The following PLXNA4 variants were observed in gnomAD, a reference collection of about 807,000 sequenced individuals.
PLXNA4 encodes plexin-A4.
In PLXNA4, 44 loss-of-function variants were observed where a neutral mutation model predicts 191.8. The ratio of observed to expected loss-of-function variants is 0.23; its 90% CI spans 0.18 to 0.29. The LOEUF (loss-of-function observed/expected upper bound fraction) is 0.29. PLXNA4 is among the 10% of genes least tolerant of loss of function. The probability of loss-of-function intolerance (pLI) is 1.00; values close to 1 mark genes in which losing one functional copy is unlikely to be tolerated. For missense variants in PLXNA4, 1,800 were observed against 2,488.8 expected (o/e 0.72, Z 5.89); for synonymous variants, 1,082 against 1,009.5 (o/e 1.07, Z -1.36).
intron 2 of PLXNA4, among the ~76,000 whole-genome samples, chr7:132,499,136 C>T (rs1472315570): frequency 6.6e-6 from 1 of 152,252 alleles, no homozygotes; most frequent in Non-Finnish European, 1.5e-5. Flanking sequence ...GCAGTGCACC[C>T]CTTCTAGGGG....
chr7:132,190,867 G>T (rs530640870), intron 14 of PLXNA4, among the ~76,000 whole-genome samples: 85 of 152,316 alleles, frequency 5.6e-4, no homozygotes, highest in African/African-American at 1.9e-3. Flanking sequence ...CGAGGAGCAG[G>T]GCACAAAGAG....
chr7:132,332,002 T>C (rs1802607250), intron 3 of PLXNA4, among the ~76,000 whole-genome samples: 1 of 152,194 alleles, frequency 6.6e-6, no homozygotes. Flanking sequence ...ATGGACAATG[T>C]GTATATCATC....
intron 3 of PLXNA4, among the ~76,000 whole-genome samples, chr7:132,336,847 T>C (rs1252541195): frequency 1.3e-5 from 2 of 152,228 alleles, no homozygotes; most frequent in African/African-American, 4.8e-5. Flanking sequence ...ACACACTCCA[T>C]GAGGGTAGCA....
chr7:132,205,647 C>T (rs948765932), intron 10 of PLXNA4, among the ~76,000 whole-genome samples: 1 of 152,184 alleles, frequency 6.6e-6, no homozygotes, highest in Non-Finnish European at 1.5e-5. Flanking sequence ...AGGCTTCAAG[C>T]TGCTGCCTGG....
At chr7:132,363,253 G>C (rs1482668598) in intron 3 of PLXNA4, among the ~76,000 whole-genome samples, 1 of 152,150 alleles carries the variant, frequency 6.6e-6, no homozygotes, top group Non-Finnish European at 1.5e-5. Context: ...CCAAAGTGTT[G>C]TGATTACAGG....
intron 2 of PLXNA4, among the ~76,000 whole-genome samples, chr7:132,586,558 C>G (rs1211513579): frequency 2.0e-5 from 3 of 152,190 alleles, no homozygotes; most frequent in African/African-American, 7.2e-5. Context: ...CAAGACCAGC[C>G]TGGGCAACAT....
chr7:132,422,826 C>A (rs975013559), intron 3 of PLXNA4, among the ~76,000 whole-genome samples: 1 of 152,210 alleles, frequency 6.6e-6, no homozygotes, highest in Admixed American at 6.5e-5. Context: ...CCCCACTGGG[C>A]AGAGGATCAT....
intron 2 of PLXNA4, among the ~76,000 whole-genome samples, chr7:132,492,948 T>G (rs559257668): frequency 6.6e-6 from 1 of 152,298 alleles, no homozygotes; most frequent in East Asian, 1.9e-4. Context: ...CAGCATGCAC[T>G]GCAAACACAG....
chr7:132,524,284 G>A (rs947614534), intron 1 of PLXNA4, among the ~76,000 whole-genome samples: 1 of 152,092 alleles, frequency 6.6e-6, no homozygotes, highest in African/African-American at 2.4e-5. Flanking sequence ...TTTTTGTGAA[G>A]GAAGAACTAC....
chr7:132,395,883 C>T (rs760354120), intron 3 of PLXNA4, among the ~76,000 whole-genome samples: 5 of 152,208 alleles, frequency 3.3e-5, no homozygotes, highest in Non-Finnish European at 7.3e-5. Flanking sequence ...TGCCTGTACA[C>T]ATGTTCAAGA....
Position 132,450,945 on chromosome 7 carries a change from G to A in PLXNA4, c.1371+38347C>T, listed in dbSNP as rs539001561. Among the ~76,000 whole-genome samples, 4 of 152,254 alleles carry A rather than the reference G, an allele frequency of 2.6e-5. No homozygotes were observed. In the East Asian group the frequency reaches 7.7e-4, roughly 29 times the overall value. ...GCAGGGGTGGAATCTTTGACCCAAG[G>A]CTAAGGAGCCCAGAAAGATGATTCA... On this transcript the variant is annotated intron_variant, in intron 3 of 31. Coordinates refer to ENST00000321063, the MANE Select transcript of PLXNA4 (RefSeq NM_020911.2).
intron 5 of PLXNA4, 111 bp downstream of exon 5, chr7:132,240,955 G>C (rs1171170943): frequency 6.0e-6 from 4 of 664,522 alleles, no homozygotes; most frequent in East Asian, 2.9e-5. Flanking sequence ...AGCAAGAATA[G>C]CTGAGGAGAA....
At chr7:132,336,658 A>G (rs1802830775) in intron 3 of PLXNA4, among the ~76,000 whole-genome samples, 1 of 152,308 alleles carries the variant, frequency 6.6e-6, no homozygotes, top group Admixed American at 6.5e-5. Flanking sequence ...TCTATACACA[A>G]AGAAGCTAAG....
At chr7:132,625,394 T>C (rs1190294232) in intron 2 of PLXNA4, among the ~76,000 whole-genome samples, 1 of 152,240 alleles carries the variant, frequency 6.6e-6, no homozygotes, top group Non-Finnish European at 1.5e-5. Flanking sequence ...ATACACATTA[T>C]GTGAGTTCAT....
At chr7:132,297,533 G>A (rs1355644698) in intron 4 of PLXNA4, among the ~76,000 whole-genome samples, 1 of 152,090 alleles carries the variant, frequency 6.6e-6, no homozygotes, top group Non-Finnish European at 1.5e-5. Context: ...CACCATATCT[G>A]TTCTTCTCGG....
Position 132,228,368 on chromosome 7 carries a change from G to C in PLXNA4, c.1706C>G (p.Ser569Cys). Reference protein sequence around the residue: ...VRLTVHPNNISVSQYNVLLVL... With the variant: ...VRLTVHPNNICVSQYNVLLVL... ...TACCAGCACGTTGTACTGAGAGACG[G>C]AGATATTGTTGGGATGGACCGTCAG... Residue 569 changes from serine (S) to cysteine (C), a missense_variant, in exon 6 of 32, where the codon TCC becomes TGC. By Grantham distance (112) the Ser-to-Cys change is moderately radical. Transcript: ENST00000321063. The C allele has an allele frequency of 1.2e-6, 2 of 1,614,076 alleles. No individual in the cohort carries two copies. The highest frequency in any genetic ancestry group is 1.7e-6 in the Non-Finnish European group (2 of 1,180,018).
At chr7:132,521,073 G>T (rs920485447) in intron 1 of PLXNA4, among the ~76,000 whole-genome samples, 1 of 150,912 alleles carries the variant, frequency 6.6e-6, no homozygotes, top group Admixed American at 6.6e-5. Flanking sequence ...ATTCCACGAT[G>T]AGCCAAAGCT....
intron 2 of PLXNA4, among the ~76,000 whole-genome samples, chr7:132,610,744 AT>A (rs1482915486): frequency 1.3e-5 from 2 of 152,226 alleles, no homozygotes; most frequent in African/African-American, 4.8e-5. Flanking sequence ...CTTTCCATTC[AT>A]TTGCCTAAGG....
In PLXNA4 at chr7:132,227,563, G is replaced by A. The variant is rs112481937; in HGVS notation, c.1770C>T (p.Gly590=). 2.4e-3 allele frequency: 3,812 copies of A among 1,614,132 alleles called. 89 individuals carry two copies. The South Asian group carries it at 0.035, about 15-fold the overall frequency. The stretch of plus-strand genomic sequence containing the variant: ...ACAGGTCCTCAAAGGTGCAGTTGAC[G>A]CCAGCTGACAGCTCCGGGACATTGT... ...ETYNVPELSA[G]VNCTFEDLSE... is the part of the protein sequence containing the mutation. Residue 590 remains glycine, a synonymous_variant, in exon 7 of 32, where the codon GGC becomes GGT. Transcript: ENST00000321063.
Sources: allele counts gnomAD v4.1 joint callset (sites outside exome capture counted in the v4.1 genomes callset), GRCh38; gene constraint gnomAD v4.1.1; transcripts MANE v1.5; gene names NCBI Gene and HGNC (gene_info 2026-07-23, HGNC 2026-07-21).